CNBD1: variants seen among roughly 807,000 people sequenced by gnomAD.
CNBD1 encodes cyclic nucleotide-binding domain-containing protein 1.
A neutral mutation model predicts 54.4 loss-of-function variants in CNBD1; 71 were observed. The observed-to-expected ratio is 1.30, with a 90% CI of 1.08 to 1.59. The LOEUF (loss-of-function observed/expected upper bound fraction) is 1.59. Ranked by LOEUF, CNBD1 falls within the 40% of genes most tolerant of loss-of-function variation. The pLI, the probability that CNBD1 is intolerant of heterozygous loss-of-function variation, is 0.00. For missense variants in CNBD1, 659 were observed against 518.0 expected, an observed-to-expected ratio of 1.27 and a Z score of -2.64; for synonymous variants, 182 against 170.7, an observed-to-expected ratio of 1.07 and a Z score of -0.51.
chr8:87,118,314 C>CA (rs34800282), intron 4 of CNBD1, among the ~76,000 whole-genome samples: 39,921 of 107,116 alleles, frequency 0.37, 8,655 homozygotes, highest in East Asian at 0.47. Flanking sequence ...GACTCTGTCT[C>CA]AAAAAAAAAA....
At chr8:87,220,174 A>C (rs887208318) in intron 5 of CNBD1, among the ~76,000 whole-genome samples, 1 of 152,010 alleles carries the variant, frequency 6.6e-6, no homozygotes, top group South Asian at 2.1e-4. Context: ...AAAGTAACTT[A>C]ATGCTATGAA....
intron 4 of CNBD1, among the ~76,000 whole-genome samples, chr8:86,963,150 G>A (rs566603208): frequency 5.9e-5 from 9 of 152,186 alleles, no homozygotes; most frequent in Non-Finnish European, 1.0e-4. Context: ...CCTGAGTTCC[G>A]GTGACCTGTG....
intron 2 of CNBD1, among the ~76,000 whole-genome samples, chr8:87,423,054 C>T (rs1335677630): frequency 6.6e-6 from 1 of 151,770 alleles, no homozygotes; most frequent in Non-Finnish European, 1.5e-5. Flanking sequence ...AGGGAGTTCA[C>T]TCATGATTTG....
chr8:87,125,118 CACTG>C (rs1223335375), intron 4 of CNBD1, among the ~76,000 whole-genome samples: 1 of 151,608 alleles, frequency 6.6e-6, no homozygotes, highest in Non-Finnish European at 1.5e-5. Context: ...ACAACAAAAA[CACTG>C]ACGAAAAAGT....
intron 4 of CNBD1, among the ~76,000 whole-genome samples, chr8:87,097,482 C>G (rs981204452): frequency 1.3e-5 from 2 of 152,136 alleles, no homozygotes; most frequent in African/African-American, 4.8e-5. Context: ...ATTTATGTTT[C>G]TTCACTTGAC....
intron 7 of CNBD1, among the ~76,000 whole-genome samples, chr8:87,285,437 G>C (rs944988810): frequency 2.0e-5 from 3 of 152,132 alleles, no homozygotes; most frequent in African/African-American, 7.2e-5. Context: ...GAAGAAGTTT[G>C]TATAAATAAT....
intron 2 of CNBD1, among the ~76,000 whole-genome samples, chr8:87,388,318 G>T (rs1811235155): frequency 6.6e-6 from 1 of 152,024 alleles, no homozygotes; most frequent in African/African-American, 2.4e-5. Flanking sequence ...TCCAGGAGCT[G>T]GTTTTTTGAA....
intron 4 of CNBD1, among the ~76,000 whole-genome samples, chr8:87,090,734 G>C (rs1811188028): frequency 6.6e-6 from 1 of 152,032 alleles, no homozygotes; most frequent in African/African-American, 2.4e-5. Context: ...GATTGAGTTT[G>C]TTACATATTT....
intron 2 of CNBD1, among the ~76,000 whole-genome samples, chr8:87,422,950 T>C (rs955004480): frequency 1.3e-5 from 2 of 151,962 alleles, no homozygotes; most frequent in Non-Finnish European, 2.9e-5. Flanking sequence ...TTTATTTCCT[T>C]GAGCAGCGGT....
Position 87,188,748 on chromosome 8 carries a change from C to CA in CNBD1, c.432-17230dup, listed in dbSNP as rs1166114088. 7.4e-3 allele frequency among the ~76,000 whole-genome samples: 661 copies of CA among 89,016 alleles called. 5 individuals carry two copies. Among genetic ancestry groups the CA allele is most frequent in the East Asian group, 0.03 (77 of 2,600 alleles). 58.4% of individuals were successfully genotyped at this position (89,016 alleles called of 152,430 possible). ...CCTGGGCAACAGAGAGACTCCATCTCAAAAAAAAAAAAAAATAAAAATAAA... is the reference window on the plus strand; with the variant it reads ...CCTGGGCAACAGAGAGACTCCATCTCAAAAAAAAAAAAAAAATAAAAATAAA... On this transcript the variant is annotated intron_variant, in intron 4 of 10. Transcript: ENST00000518476.
intron 3 of CNBD1, among the ~76,000 whole-genome samples, chr8:86,920,596 T>A (rs1809255527): frequency 6.6e-6 from 1 of 152,160 alleles, no homozygotes; most frequent in Admixed American, 6.5e-5. Flanking sequence ...CTCTCTAATA[T>A]GCCAAAGGCA....
chr8:87,224,317 C>G (rs907215037), intron 5 of CNBD1, among the ~76,000 whole-genome samples: 10 of 150,240 alleles, frequency 6.7e-5, no homozygotes, highest in Non-Finnish European at 1.0e-4. Flanking sequence ...AGTCCTTGCC[C>G]ATGCCTATGT....
intron 4 of CNBD1, among the ~76,000 whole-genome samples, chr8:87,156,014 G>A (rs954794693): frequency 6.6e-6 from 1 of 151,758 alleles, no homozygotes; most frequent in Non-Finnish European, 1.5e-5. Context: ...ACTAGAAATG[G>A]CATCCTAGGA....
chr8:87,415,386 G>A (rs193154045), intron 2 of CNBD1, among the ~76,000 whole-genome samples: 7 of 152,096 alleles, frequency 4.6e-5, no homozygotes, highest in Non-Finnish European at 5.9e-5. Flanking sequence ...TGGGTTCATA[G>A]GTTATTTCTG....
chr8:87,221,678 T>C (rs886587988), intron 5 of CNBD1, among the ~76,000 whole-genome samples: 1 of 152,136 alleles, frequency 6.6e-6, no homozygotes, highest in Non-Finnish European at 1.5e-5. Flanking sequence ...TACTTTGTAA[T>C]TTTCACAATA....
At chr8:87,029,312 G>A (rs1809728097) in intron 4 of CNBD1, among the ~76,000 whole-genome samples, 1 of 152,162 alleles carries the variant, frequency 6.6e-6, no homozygotes. Flanking sequence ...AAGCAAACAA[G>A]TAAACAACAA....
chr8:87,346,057 G>T (rs566166078), intron 8 of CNBD1, among the ~76,000 whole-genome samples: 14 of 151,282 alleles, frequency 9.3e-5, no homozygotes, highest in Admixed American at 7.9e-4. Flanking sequence ...TTTTTTGTGG[G>T]GGGGACAGAG....
At chr8:87,040,074 G>C (rs1350145545) in intron 4 of CNBD1, among the ~76,000 whole-genome samples, 1 of 150,146 alleles carries the variant, frequency 6.7e-6, no homozygotes, top group Non-Finnish European at 1.5e-5. Context: ...GCAATTTGGG[G>C]AAGGTCAAAA....
At chr8:87,303,465 A>T (rs1809061364) in intron 8 of CNBD1, among the ~76,000 whole-genome samples, 2 of 151,892 alleles carry the variant, frequency 1.3e-5, no homozygotes, top group African/African-American at 4.8e-5. Context: ...TCCCTTCCTT[A>T]CACCTTATAC....
Sources: gnomAD v4.1 joint callset for allele counts (sites outside exome capture counted in the v4.1 genomes callset) on GRCh38, gnomAD v4.1.1 for gene constraint, MANE v1.5 for transcripts, NCBI Gene and HGNC (gene_info 2026-07-23, HGNC 2026-07-21) for gene names.